APOH: variants seen among roughly 807,000 people sequenced by gnomAD.
APOH encodes the protein beta-2-glycoprotein 1.
APOH carries 48 observed loss-of-function variants against 39.8 expected under a neutral mutation model. The observed-to-expected ratio is 1.21, with a 90% confidence interval of 0.96 to 1.54. APOH has a LOEUF of 1.54. APOH is among the 40% of genes most tolerant of loss of function. The pLI, the probability that APOH is intolerant of heterozygous loss-of-function variation, is 0.00. For synonymous variants in APOH, 153 were observed against 151.1 expected (o/e 1.01, Z -0.09); for missense variants, 415 against 421.2 (o/e 0.99, Z 0.13).
intron 5 of APOH, among the ~76,000 whole-genome samples, 163 bp from the exon 6 acceptor site, chr17:66,217,130 C>T (rs1000656044): frequency 6.6e-6 from 1 of 152,188 alleles, no homozygotes; most frequent in African/African-American, 2.4e-5. Context: ...CCCCACTCCT[C>T]TTATATCTGT....
intron 3 of APOH, among the ~76,000 whole-genome samples, chr17:66,225,105 G>A (rs376909148): frequency 5.9e-5 from 9 of 151,744 alleles, no homozygotes; most frequent in Admixed American, 1.3e-4. Flanking sequence ...TTATGTCTTC[G>A]AAGCCAATTT....
rs71160544 is a variant in APOH at position 66,224,691 on chromosome 17, GGGAAAGGAAA to G, written c.339-927_339-918del. 1.1e-3 allele frequency among the ~76,000 whole-genome samples: 35 copies of G among 32,882 alleles called. 1 individual carries two copies. The highest frequency in any genetic ancestry group is 1.5e-3 in the Admixed American group (5 of 3,394). 21.6% of individuals were successfully genotyped at this position (32,882 alleles called of 152,430 possible). The stretch of plus-strand genomic sequence containing the variant: ...GGGAAGGGAAGGGAAGGGAAGGGAA[GGGAAAGGAAA>G]GGAAAGGAAAGGAAAGGAAAGGAAA... On this transcript the variant is annotated intron_variant, in intron 3 of 7. Transcript: ENST00000205948.
intron 3 of APOH, among the ~76,000 whole-genome samples, chr17:66,224,690 A>T (rs2073427040): frequency 1.6e-5 from 1 of 60,762 alleles, no homozygotes; most frequent in Non-Finnish European, 3.0e-5. Flanking sequence ...AGGGAAGGGA[A>T]GGGAAAGGAA....
At chr17:66,228,431 C>T (rs574472625) in intron 1 of APOH, among the ~76,000 whole-genome samples, 1 of 152,232 alleles carries the variant, frequency 6.6e-6, no homozygotes, top group East Asian at 1.9e-4. Context: ...GGCTACGTAT[C>T]TTACAGAGGA....
chr17:66,222,134 C>T (rs1339421638), intron 4 of APOH, among the ~76,000 whole-genome samples: 1 of 152,172 alleles, frequency 6.6e-6, no homozygotes, highest in Admixed American at 6.5e-5. Context: ...CGCCTGTAAT[C>T]CCAGAGCCCT....
At chr17:66,216,235 T>C (rs1168775655) in intron 6 of APOH, among the ~76,000 whole-genome samples, 3 of 151,274 alleles carry the variant, frequency 2.0e-5, no homozygotes, top group Non-Finnish European at 4.4e-5. Flanking sequence ...GAAAAGCTCT[T>C]CTCTACAGAG....
chr17:66,226,059 G>A lies in APOH; in HGVS notation c.307C>T (p.Pro103Ser). The A allele has an allele frequency of 1.2e-6, 2 of 1,613,448 alleles. No homozygotes were observed. Among genetic ancestry groups the A allele is most frequent in the Non-Finnish European group, 1.7e-6 (2 of 1,179,662 alleles). ...GAVRYTTFEY[P>S]NTISFSCNTG... The stretch of plus-strand genomic sequence containing the variant: ...TTACAAGAAAAACTGATCGTGTTGG[G>A]ATATTCAAAAGTCGTATAGCGTACG... The change falls in exon 3 of 8, where the codon CCC becomes TCC. Residue 103 changes from proline to serine, a missense_variant. Around this residue, in one of 3 missense-constraint regions of APOH, gnomAD observed 288 missense variants for 284.9 expected, o/e 1.01. Coordinates refer to ENST00000205948, the MANE Select transcript of APOH (RefSeq NM_000042.3).
In APOH at chr17:66,223,736, T is replaced by A; in HGVS notation, c.377A>T (p.Glu126Val). 6.2e-7 allele frequency: 1 copy of A among 1,614,186 alleles called. No individual in the cohort carries two copies. The highest frequency in any genetic ancestry group is 8.5e-7 in the Non-Finnish European group (1 of 1,180,032). ...AAGCTCCGGGCTCCATTTTCCTTCC[T>A]CAGTGCACTTGGCAGAATCAGCGCC... The part of the protein sequence containing the change: ...LNGADSAKCT[E>V]EGKWSPELPV... Residue 126 changes from glutamate to valine, a missense_variant, in exon 4 of 8, where the codon GAG becomes GTG. By Grantham distance (121) the Glu-to-Val change is moderately radical. This residue lies in a region of APOH where 288 missense variants were observed against 284.9 expected (regional missense o/e 1.01). Transcript: ENST00000205948.
At position 66,226,071 on chromosome 17, in the gene APOH, T is replaced by C. The variant is rs767873103; in HGVS notation, c.295A>G (p.Thr99Ala). The C allele has an allele frequency of 6.6e-5, 107 of 1,613,666 alleles. No individual in the cohort carries two copies. Among genetic ancestry groups the C allele is most frequent in the Non-Finnish European group, 8.6e-5 (101 of 1,179,864 alleles). Residue 99 changes from threonine (T) to alanine (A), a missense_variant, in exon 3 of 8, where the codon ACT becomes GCT. Physicochemically the swap from Thr to Ala is moderately conservative, Grantham distance 58. Transcript: ENST00000205948. ...CTGATCGTGTTGGGATATTCAAAAG[T>C]CGTATAGCGTACGGCTCCATTTTCT... ...ILENGAVRYTTFEYPNTISFS... is the reference protein window; with the variant it reads ...ILENGAVRYTAFEYPNTISFS...
rs112465444 is a variant in APOH at position 66,214,452 on chromosome 17, C to G, written c.982+1G>C. The stretch of plus-strand genomic sequence containing the variant: ...AGCTAAACGTTCCAATGCAGACTTA[C>G]CCTTGAAGCATTTGGGGACTTCGAT... On this transcript the variant is annotated splice_donor_variant, in intron 7 of 7. Transcript: ENST00000205948. LOFTEE classifies it high-confidence loss of function. 2 of 1,613,298 alleles carry G rather than the reference C, an allele frequency of 1.2e-6. No homozygotes were observed. The highest frequency in any genetic ancestry group is 2.2e-5 in the South Asian group (2 of 91,036).
At chr17:66,215,265 C>T (rs1002214073) in intron 6 of APOH, among the ~76,000 whole-genome samples, 1 of 152,206 alleles carries the variant, frequency 6.6e-6, no homozygotes, top group Non-Finnish European at 1.5e-5. Flanking sequence ...AACTGAACCT[C>T]ATTTTAGCAG....
At chr17:66,219,452 A>T (rs2073384483) in intron 5 of APOH, among the ~76,000 whole-genome samples, 1 of 152,148 alleles carries the variant, frequency 6.6e-6, no homozygotes, top group Non-Finnish European at 1.5e-5. Context: ...TGGGAGAATG[A>T]GGTCAGATGA....
intron 4 of APOH, 62 bp from the exon 5 acceptor site, chr17:66,220,804 C>G (rs1022159897): frequency 7.0e-7 from 1 of 1,433,930 alleles, no homozygotes; most frequent in African/African-American, 1.5e-5. Context: ...TATACTCTTT[C>G]CAGAAAGAAA....
chr17:66,228,241 A>G (rs774558175), intron 1 of APOH, 45 bp from the exon 2 acceptor site: 1 of 1,581,348 alleles, frequency 6.3e-7, no homozygotes, highest in Non-Finnish European at 8.6e-7. Context: ...CTCTATTTGC[A>G]TTTTAAAGTT....
intron 3 of APOH, among the ~76,000 whole-genome samples, chr17:66,225,538 T>C (rs2073434085): frequency 1.3e-5 from 2 of 152,174 alleles, no homozygotes; most frequent in African/African-American, 4.8e-5. Flanking sequence ...TCATATGGAA[T>C]TATCATCCAG....
At chr17:66,225,687 C>T (rs1488823713) in intron 3 of APOH, among the ~76,000 whole-genome samples, 13 of 152,136 alleles carry the variant, frequency 8.5e-5, no homozygotes, top group Non-Finnish European at 1.3e-4. Context: ...ACCATCCTGG[C>T]TAACACAGTG....
chr17:66,218,547 T>G (rs2073379211), intron 5 of APOH, among the ~76,000 whole-genome samples: 1 of 151,988 alleles, frequency 6.6e-6, no homozygotes, highest in Non-Finnish European at 1.5e-5. Flanking sequence ...GACCCCATGA[T>G]CCACCTGCCT....
In APOH at chr17:66,221,171, C is replaced by A. The variant is rs546655528; in HGVS notation, c.416-429G>T. On this transcript the variant is annotated intron_variant, in intron 4 of 7. Transcript: ENST00000205948. ...TCGCACCACTGCACTCCAGCCTGGG[C>A]AACAGAGTGAGTCTGTCTCAGAAAA... Among the ~76,000 whole-genome samples, 4 of 147,560 alleles carry A rather than the reference C, an allele frequency of 2.7e-5. No individual in the cohort carries two copies. The East Asian group carries it at 8.0e-4, about 29-fold the overall frequency.
At chr17:66,228,260 C>A (rs2073451857) in intron 1 of APOH, 64 bp from the exon 2 acceptor site, 2 of 1,539,938 alleles carry the variant, frequency 1.3e-6, no homozygotes, top group Admixed American at 1.8e-5. Context: ...TTCAGCTAAG[C>A]CCACAAATGA....
Sources: allele counts gnomAD v4.1 joint callset (sites outside exome capture counted in the v4.1 genomes callset), GRCh38; gene constraint gnomAD v4.1.1; regional missense constraint gnomAD v4.1.1; transcripts MANE v1.5; gene names NCBI Gene and HGNC (gene_info 2026-07-23, HGNC 2026-07-21).